The following LSAMP variants were observed in gnomAD, a reference collection of about 807,000 sequenced individuals.
LSAMP encodes limbic system associated membrane protein.
In LSAMP, 7 loss-of-function variants were observed where a neutral mutation model predicts 38.6. The ratio of observed to expected loss-of-function variants is 0.18; its 90% CI spans 0.10 to 0.34. The LOEUF is 0.34. Among genes scored for constraint, LSAMP ranks in the 10% least tolerant of loss-of-function variants. The probability of loss-of-function intolerance (pLI) is 1.00; values close to 1 mark genes in which losing one functional copy is unlikely to be tolerated. For missense variants in LSAMP, 313 were observed against 420.0 expected, an observed-to-expected ratio of 0.75 and a Z score of 2.23; for synonymous variants, 154 against 166.8, an observed-to-expected ratio of 0.92 and a Z score of 0.59.
At chr3:116,170,440 T>C (rs1253892482) in intron 1 of LSAMP, among the ~76,000 whole-genome samples, 1 of 152,270 alleles carries the variant, frequency 6.6e-6, no homozygotes, top group East Asian at 1.9e-4. Context: ...AGAAGTAAAA[T>C]TTGTTTTGTA....
chr3:116,367,202 A>G (rs933083039), intron 1 of LSAMP, among the ~76,000 whole-genome samples: 9 of 152,202 alleles, frequency 5.9e-5, no homozygotes, highest in African/African-American at 2.2e-4. Context: ...GAGGCATTAC[A>G]TGAAAGAAAT....
chr3:116,219,637 A>C (rs2046258688), intron 1 of LSAMP, among the ~76,000 whole-genome samples: 1 of 152,182 alleles, frequency 6.6e-6, no homozygotes, highest in Non-Finnish European at 1.5e-5. Flanking sequence ...CAAACTAAAA[A>C]CCTTCTGCAC....
At chr3:116,062,370 G>C (rs541125776) in intron 2 of LSAMP, among the ~76,000 whole-genome samples, 1 of 152,244 alleles carries the variant, frequency 6.6e-6, no homozygotes, top group East Asian at 1.9e-4. Flanking sequence ...TTAGCCGGGC[G>C]TGGTGGTGCA....
intron 3 of LSAMP, among the ~76,000 whole-genome samples, chr3:115,891,710 T>C (rs74845620): frequency 0.015 from 2,246 of 152,112 alleles, 54 homozygotes; most frequent in African/African-American, 0.051. Context: ...ATTTGTTCAA[T>C]TTGGTCAGAG....
intron 1 of LSAMP, among the ~76,000 whole-genome samples, chr3:116,222,104 C>T (rs1029129530): frequency 2.0e-5 from 3 of 151,922 alleles, no homozygotes; most frequent in African/African-American, 4.8e-5. Flanking sequence ...TGGGTTTATA[C>T]AAGCCTACTG....
chr3:116,366,745 T>A (rs1221854316), intron 1 of LSAMP, among the ~76,000 whole-genome samples: 1 of 152,190 alleles, frequency 6.6e-6, no homozygotes, highest in East Asian at 1.9e-4. Flanking sequence ...AGGGTCGTCA[T>A]CCTCTCTGCT....
rs1266354567 is a variant in LSAMP at position 115,810,173 on chromosome 3, C to T, written c.*144G>A. On this transcript the variant is annotated 3_prime_UTR_variant, in exon 7 of 7. Transcript: ENST00000490035. Reference sequence around the variant, plus strand: ...ATTTTCTTCTTCACTTTCTTATTTCCCCCTTCATGTATAAACACACAAAGT... The same window carrying T: ...ATTTTCTTCTTCACTTTCTTATTTCTCCCTTCATGTATAAACACACAAAGT... 6.0e-5 allele frequency: 35 copies of T among 584,586 alleles called. No individual in the cohort carries two copies. The highest frequency in any genetic ancestry group is 5.2e-4 in the South Asian group (21 of 40,600). The allele number at this position is 584,586 out of a possible 1,614,324, so 36.2% of individuals were successfully genotyped here.
intron 1 of LSAMP, among the ~76,000 whole-genome samples, chr3:116,239,061 CTA>C (rs1480264103): frequency 6.6e-6 from 1 of 152,148 alleles, no homozygotes; most frequent in Non-Finnish European, 1.5e-5. Flanking sequence ...CTTTTAGAAA[CTA>C]TGAGTAGTAG....
chr3:115,810,427 A>C lies in LSAMP; in HGVS notation c.920-13T>G. The C allele has an allele frequency of 1.3e-6, 2 of 1,580,450 alleles. No homozygotes were observed. The highest frequency in any genetic ancestry group is 1.7e-6 in the Non-Finnish European group (2 of 1,150,434). ...ACCGACCCAGGTCCTGCAGAGCAAA[A>C]GAGGAGAGAGAAAAAGAGAATGAGT... On this transcript the variant is annotated splice_polypyrimidine_tract_variant and intron_variant, in intron 6 of 6. Transcript: ENST00000490035.
intron 1 of LSAMP, among the ~76,000 whole-genome samples, chr3:116,419,894 C>G (rs2049099201): frequency 6.6e-6 from 1 of 152,114 alleles, no homozygotes; most frequent in Non-Finnish European, 1.5e-5. Flanking sequence ...ATCATAATAC[C>G]TTTTACAAAA....
At chr3:116,094,008 A>T (rs1708175073) in intron 1 of LSAMP, among the ~76,000 whole-genome samples, 1 of 152,216 alleles carries the variant, frequency 6.6e-6, no homozygotes, top group Non-Finnish European at 1.5e-5. Flanking sequence ...AAAGCATGAA[A>T]ATATCCCAGA....
At chr3:116,429,599 G>T (rs372830308) in intron 1 of LSAMP, among the ~76,000 whole-genome samples, 1 of 151,986 alleles carries the variant, frequency 6.6e-6, no homozygotes, top group Non-Finnish European at 1.5e-5. Flanking sequence ...GTCTACATAC[G>T]ACCACCGCCA....
chr3:115,871,684 G>A (rs10511350), intron 3 of LSAMP, among the ~76,000 whole-genome samples: 2 of 151,276 alleles, frequency 1.3e-5, no homozygotes, highest in South Asian at 2.1e-4. Flanking sequence ...CCTCCTACTC[G>A]TTGACATTTT....
chr3:115,810,374 C>T lies in LSAMP; in HGVS notation c.960G>A (p.Leu320=). 4 of 1,613,694 alleles carry T rather than the reference C, an allele frequency of 2.5e-6. No individual in the cohort carries two copies. In the South Asian group the frequency reaches 3.3e-5, roughly 13 times the overall value. The part of the protein sequence containing the change: ...SVRGINGSIS[L]AVPLWLLAAS... Reference sequence around the variant, plus strand: ...CTGCCAGCAGCCACAGTGGTACGGCCAGACTGATGGATCCATTTATTCCTC... The same window carrying T: ...CTGCCAGCAGCCACAGTGGTACGGCTAGACTGATGGATCCATTTATTCCTC... Residue 320 remains leucine, a synonymous_variant, in exon 7 of 7, where the codon CTG becomes CTA. Transcript: ENST00000490035.
chr3:116,082,379 T>C (rs1042329129), intron 2 of LSAMP, among the ~76,000 whole-genome samples: 4 of 152,216 alleles, frequency 2.6e-5, no homozygotes, highest in African/African-American at 9.7e-5. Flanking sequence ...GATTTTTGTG[T>C]GTGTGCATCT....
At chr3:116,238,636 G>A (rs2046494635) in intron 1 of LSAMP, among the ~76,000 whole-genome samples, 1 of 152,064 alleles carries the variant, frequency 6.6e-6, no homozygotes, top group Non-Finnish European at 1.5e-5. Flanking sequence ...ATTTCATCAT[G>A]GTAGTAGAGT....
At chr3:115,994,726 T>C (rs998663542) in intron 3 of LSAMP, among the ~76,000 whole-genome samples, 3 of 152,106 alleles carry the variant, frequency 2.0e-5, no homozygotes, top group African/African-American at 7.2e-5. Flanking sequence ...TATACTAGAA[T>C]GAAAAATGAA....
intron 4 of LSAMP, among the ~76,000 whole-genome samples, chr3:115,847,227 T>C (rs558165640): frequency 6.6e-6 from 1 of 152,288 alleles, no homozygotes; most frequent in East Asian, 1.9e-4. Flanking sequence ...TTTATTTTTG[T>C]CCTCTCTACG....
At chr3:116,177,357 T>C (rs1480913482) in intron 1 of LSAMP, among the ~76,000 whole-genome samples, 1 of 152,042 alleles carries the variant, frequency 6.6e-6, no homozygotes, top group Non-Finnish European at 1.5e-5. Context: ...ACAAGAGACA[T>C]CTTGCTGTGG....
Sources: allele counts gnomAD v4.1 joint callset (sites outside exome capture counted in the v4.1 genomes callset), GRCh38; gene constraint gnomAD v4.1.1; transcripts MANE v1.5; gene names NCBI Gene and HGNC (gene_info 2026-07-23, HGNC 2026-07-21).